Variants in ESRRG observed in about 807,000 individuals in gnomAD.
ESRRG encodes estrogen-related receptor gamma.
ESRRG carries 13 observed loss-of-function variants against 44.0 expected under a neutral mutation model. The ratio of observed to expected loss-of-function variants is 0.30; its 90% CI spans 0.19 to 0.47. ESRRG has a LOEUF of 0.47. ESRRG is among the 20% of genes least tolerant of loss of function. The pLI, the probability that ESRRG is intolerant of heterozygous loss-of-function variation, is 1.00. For missense variants in ESRRG, 395 were observed against 580.6 expected (o/e 0.68, Z 3.29); for synonymous variants, 215 against 214.6 (o/e 1.00, Z -0.02).
intron 2 of ESRRG, among the ~76,000 whole-genome samples, chr1:216,661,897 T>C (rs529064703): frequency 6.6e-6 from 1 of 152,298 alleles, no homozygotes; most frequent in South Asian, 2.1e-4. Flanking sequence ...GTATAACATA[T>C]AGATTACGAG....
intron 2 of ESRRG, among the ~76,000 whole-genome samples, chr1:216,789,876 A>G (rs1184043237): frequency 6.6e-6 from 1 of 152,182 alleles, no homozygotes; most frequent in African/African-American, 2.4e-5. Flanking sequence ...CTACTCGTCC[A>G]TCAAAATCTG....
At chr1:216,736,075 G>C (rs1039786369) in intron 2 of ESRRG, among the ~76,000 whole-genome samples, 2 of 149,204 alleles carry the variant, frequency 1.3e-5, no homozygotes, top group Non-Finnish European at 3.0e-5. Context: ...ATGAGAACAG[G>C]GGGGGAGTTT....
chr1:216,545,618 T>A (rs893090179), intron 5 of ESRRG, among the ~76,000 whole-genome samples: 1 of 152,096 alleles, frequency 6.6e-6, no homozygotes, highest in Non-Finnish European at 1.5e-5. Flanking sequence ...GATATTCAAA[T>A]AATAAGAAAT....
chr1:217,049,378 A>G (rs2151215360), intron 1 of ESRRG, among the ~76,000 whole-genome samples: 1 of 152,310 alleles, frequency 6.6e-6, no homozygotes, highest in Admixed American at 6.5e-5. Context: ...CTGAATTGCT[A>G]TCTGCAAGAA....
intron 2 of ESRRG, among the ~76,000 whole-genome samples, chr1:216,930,146 C>T (rs1447346969): frequency 6.6e-6 from 1 of 152,182 alleles, no homozygotes; most frequent in Non-Finnish European, 1.5e-5. Flanking sequence ...TGACTCACTT[C>T]TCCCTTTTCT....
At chr1:216,854,384 G>GA (rs1011805548) in intron 2 of ESRRG, among the ~76,000 whole-genome samples, 3 of 93,360 alleles carry the variant, frequency 3.2e-5, no homozygotes, top group East Asian at 3.3e-4. Flanking sequence ...AAAAAGCAAA[G>GA]AAAAAAAAGA....
At chr1:216,957,839 G>T (rs11117740) in intron 1 of ESRRG, among the ~76,000 whole-genome samples, 4 of 151,992 alleles carry the variant, frequency 2.6e-5, no homozygotes, top group African/African-American at 9.7e-5. Flanking sequence ...ACAGATTTTA[G>T]GAGTAAAGTT....
chr1:216,819,417 A>G (rs1306409233), intron 2 of ESRRG, among the ~76,000 whole-genome samples: 1 of 152,124 alleles, frequency 6.6e-6, no homozygotes, highest in African/African-American at 2.4e-5. Flanking sequence ...TTTCTTTTCC[A>G]TTCACCCAAA....
chr1:216,878,286 T>C (rs2096388937), intron 2 of ESRRG, among the ~76,000 whole-genome samples: 1 of 152,190 alleles, frequency 6.6e-6, no homozygotes, highest in South Asian at 2.1e-4. Context: ...TTTTTCTTCT[T>C]AATTTGCAGG....
At chr1:216,830,782 G>A (rs773021599) in intron 2 of ESRRG, among the ~76,000 whole-genome samples, 8 of 151,924 alleles carry the variant, frequency 5.3e-5, no homozygotes, top group African/African-American at 1.7e-4. Flanking sequence ...ATAACTGTTC[G>A]ATCCTCAGAT....
intron 2 of ESRRG, among the ~76,000 whole-genome samples, chr1:216,795,180 G>A (rs947679563): frequency 7.9e-5 from 12 of 152,040 alleles, no homozygotes; most frequent in African/African-American, 2.7e-4. Context: ...ACGAAGTAAT[G>A]TGTTCTAAAG....
chr1:216,931,995 G>C (rs1250846605), intron 2 of ESRRG, among the ~76,000 whole-genome samples: 1 of 152,142 alleles, frequency 6.6e-6, no homozygotes, highest in Non-Finnish European at 1.5e-5. Context: ...CATGAGGTCA[G>C]GAGTTCAAGA....
chr1:216,575,397 C>T (rs183542352), intron 3 of ESRRG, among the ~76,000 whole-genome samples: 101 of 152,110 alleles, frequency 6.6e-4, no homozygotes, highest in African/African-American at 2.3e-3. Context: ...CTCATCATAC[C>T]TACCTCCTCT....
chr1:216,785,103 T>C (rs1450392960), intron 2 of ESRRG, among the ~76,000 whole-genome samples: 1 of 151,830 alleles, frequency 6.6e-6, no homozygotes, highest in Admixed American at 6.6e-5. Flanking sequence ...TTAACAAGAC[T>C]TTTTTCAAAA....
chr1:217,058,872 C>A (rs535346704), intron 1 of ESRRG, among the ~76,000 whole-genome samples: 3 of 132,706 alleles, frequency 2.3e-5, no homozygotes, highest in Admixed American at 7.6e-5. Context: ...AAACATAATA[C>A]AATAAACTAT....
chr1:216,967,554 T>A (rs79789857), intron 1 of ESRRG, among the ~76,000 whole-genome samples: 2,921 of 152,298 alleles, frequency 0.019, 87 homozygotes, highest in African/African-American at 0.062. Context: ...TTATGTATTT[T>A]CATCACTTGA....
intron 2 of ESRRG, among the ~76,000 whole-genome samples, chr1:216,762,455 A>T (rs898297445): frequency 6.6e-6 from 1 of 151,310 alleles, no homozygotes; most frequent in African/African-American, 2.4e-5. Context: ...TATCACAAGA[A>T]CAAAAAACCA....
At chr1:217,010,211 A>G (rs770224037) in intron 1 of ESRRG, among the ~76,000 whole-genome samples, 11 of 152,192 alleles carry the variant, frequency 7.2e-5, no homozygotes, top group Non-Finnish European at 1.2e-4. Flanking sequence ...TTTCTGATGA[A>G]TAAACATACC....
At chr1:217,028,053 G>A (rs902510205) in intron 1 of ESRRG, among the ~76,000 whole-genome samples, 3 of 152,058 alleles carry the variant, frequency 2.0e-5, no homozygotes, top group Non-Finnish European at 2.9e-5. Flanking sequence ...CTCAAGTGGC[G>A]CACAGATTTG....
Sources: gnomAD v4.1 joint callset for allele counts (sites outside exome capture counted in the v4.1 genomes callset) on GRCh38, gnomAD v4.1.1 for gene constraint, MANE v1.5 for transcripts, NCBI Gene and HGNC (gene_info 2026-07-23, HGNC 2026-07-21) for gene names.